TBC1D5: variants seen among roughly 807,000 people sequenced by gnomAD.
The protein encoded by TBC1D5 is TBC1 domain family, member 5.
A neutral mutation model predicts 100.3 loss-of-function variants in TBC1D5; 75 were observed. The ratio of observed to expected loss-of-function variants is 0.75; its 90% CI spans 0.62 to 0.91. The LOEUF (loss-of-function observed/expected upper bound fraction) is 0.91. TBC1D5 is among the 40% of genes least tolerant of loss of function. The pLI, the probability that TBC1D5 is intolerant of heterozygous loss-of-function variation, is 0.00. For synonymous variants in TBC1D5, 323 were observed against 325.6 expected (o/e 0.99, Z 0.09); for missense variants, 910 against 942.4 (o/e 0.97, Z 0.45).
intron 2 of TBC1D5, among the ~76,000 whole-genome samples, chr3:17,513,138 C>G (rs2095934661): frequency 6.6e-6 from 1 of 151,988 alleles, no homozygotes; most frequent in African/African-American, 2.4e-5. Flanking sequence ...TAGAGACCAC[C>G]CCGGCCAATA....
At chr3:17,634,626 T>TAAAAA (rs1000749608) in intron 1 of TBC1D5, among the ~76,000 whole-genome samples, 1 of 85,518 alleles carries the variant, frequency 1.2e-5, no homozygotes, top group Non-Finnish European at 2.4e-5. Context: ...GCTAATAGGG[T>TAAAAA]AAAAAAAAAA....
intron 3 of TBC1D5, among the ~76,000 whole-genome samples, chr3:17,437,550 T>C (rs2094557303): frequency 6.7e-6 from 1 of 150,018 alleles, no homozygotes; most frequent in African/African-American, 2.5e-5. Context: ...AACAGGTATA[T>C]AGGTAGTATG....
At chr3:17,266,723 A>G (rs2078888715) in intron 15 of TBC1D5, among the ~76,000 whole-genome samples, 1 of 152,148 alleles carries the variant, frequency 6.6e-6, no homozygotes. Context: ...CTTGGTTGTG[A>G]CTAAAATATT....
chr3:17,159,278 T>G (rs1305941221), exon 22 of TBC1D5: 2 of 152,248 alleles, frequency 1.3e-5, no homozygotes, highest in East Asian at 1.9e-4. Context: ...CTCTCTACAG[T>G]AGCTGACTTG....
chr3:17,292,279 C>T (rs1471619780), intron 14 of TBC1D5, among the ~76,000 whole-genome samples: 3 of 152,156 alleles, frequency 2.0e-5, no homozygotes. Flanking sequence ...CATAAATTCT[C>T]AGAACCGTGC....
chr3:17,639,196 G>A (rs117526747), intron 1 of TBC1D5, among the ~76,000 whole-genome samples: 2,517 of 152,154 alleles, frequency 0.017, 53 homozygotes, highest in South Asian at 0.048. Context: ...CAATAAAAAC[G>A]AAGAAATTAC....
intron 8 of TBC1D5, among the ~76,000 whole-genome samples, chr3:17,398,352 A>G (rs1487166794): frequency 6.6e-6 from 1 of 152,180 alleles, no homozygotes; most frequent in African/African-American, 2.4e-5. Flanking sequence ...AAATTGGCTG[A>G]AGAGGAAGAT....
intron 3 of TBC1D5, among the ~76,000 whole-genome samples, chr3:17,438,467 T>G (rs781389080): frequency 3.3e-5 from 5 of 152,158 alleles, no homozygotes; most frequent in Admixed American, 1.3e-4. Flanking sequence ...GATAGTGAGT[T>G]AGTTCTCACG....
intron 3 of TBC1D5, among the ~76,000 whole-genome samples, chr3:17,495,275 T>G (rs2095692692): frequency 6.6e-6 from 1 of 152,250 alleles, no homozygotes; most frequent in Non-Finnish European, 1.5e-5. Flanking sequence ...TTAAACTTCC[T>G]CCTGCTTCCT....
intron 2 of TBC1D5, among the ~76,000 whole-genome samples, chr3:17,523,282 A>G (rs562882709): frequency 1.3e-5 from 2 of 152,356 alleles, no homozygotes; most frequent in Admixed American, 6.5e-5. Flanking sequence ...CTCACTATGT[A>G]CAATGGCATG....
At chr3:17,303,838 T>G (rs973819665) in intron 14 of TBC1D5, among the ~76,000 whole-genome samples, 12 of 110,986 alleles carry the variant, frequency 1.1e-4, no homozygotes, top group Admixed American at 1.0e-3. Context: ...TACCTCTTTT[T>G]TTTTTTTTTT....
chr3:17,686,173 T>C (rs2070249986), intron 1 of TBC1D5, among the ~76,000 whole-genome samples: 1 of 152,128 alleles, frequency 6.6e-6, no homozygotes, highest in Non-Finnish European at 1.5e-5. Flanking sequence ...CTCAAAGTCC[T>C]TGAAAGAACA....
intron 13 of TBC1D5, among the ~76,000 whole-genome samples, chr3:17,324,300 T>C (rs1453053391): frequency 2.0e-5 from 3 of 152,154 alleles, no homozygotes; most frequent in Non-Finnish European, 2.9e-5. Flanking sequence ...AACTAATAAA[T>C]TGAATTTTAT....
At chr3:17,218,401 T>C (rs1048340427) in intron 17 of TBC1D5, among the ~76,000 whole-genome samples, 14 of 152,008 alleles carry the variant, frequency 9.2e-5, no homozygotes, top group Admixed American at 3.9e-4. Flanking sequence ...AGTGAATATG[T>C]AGATCAATTT....
intron 3 of TBC1D5, among the ~76,000 whole-genome samples, chr3:17,496,536 G>A (rs1043657736): frequency 1.3e-5 from 2 of 151,984 alleles, no homozygotes; most frequent in Admixed American, 1.3e-4. Flanking sequence ...TATACTGGTA[G>A]CATGGCATAA....
chr3:17,457,397 C>A (rs1208184247), intron 3 of TBC1D5, among the ~76,000 whole-genome samples: 1 of 152,068 alleles, frequency 6.6e-6, no homozygotes, highest in African/African-American at 2.4e-5. Context: ...GTGTTTCAGT[C>A]TGGGTGATTT....
chr3:17,239,188 T>C (rs2076112456), intron 16 of TBC1D5, among the ~76,000 whole-genome samples: 1 of 152,192 alleles, frequency 6.6e-6, no homozygotes, highest in Non-Finnish European at 1.5e-5. Context: ...GTCTGGTACA[T>C]CATAGGTACT....
At chr3:17,469,921 G>T (rs1318001305) in intron 3 of TBC1D5, among the ~76,000 whole-genome samples, 1 of 152,158 alleles carries the variant, frequency 6.6e-6, no homozygotes, top group Non-Finnish European at 1.5e-5. Context: ...TAAAATAAAA[G>T]AATAAATGTT....
In TBC1D5 at chr3:17,488,771, A is replaced by G. The variant is rs1387934620; in HGVS notation, c.97+19703T>C. 6.6e-5 allele frequency among the ~76,000 whole-genome samples: 10 copies of G among 152,134 alleles called. No homozygotes were observed. The East Asian group carries it at 1.2e-3, about 18-fold the overall frequency. On this transcript the variant is annotated intron_variant, in intron 3 of 21. Coordinates refer to ENST00000253692, the Ensembl canonical transcript of TBC1D5. ...TACCTATGCTTATCCTGCCATATGT[A>G]TATCTGGTCTGTGGCCTGTTAGGAA...
Sources: gnomAD v4.1 joint callset for allele counts (sites outside exome capture counted in the v4.1 genomes callset) on GRCh38, gnomAD v4.1.1 for gene constraint, MANE v1.5 for transcripts, NCBI Gene and HGNC (gene_info 2026-07-23, HGNC 2026-07-21) for gene names.